GRID1: variants seen among roughly 807,000 people sequenced by gnomAD.
GRID1 encodes glutamate ionotropic receptor delta type subunit 1, also known as glutamate receptor ionotropic, delta-1.
GRID1 carries 28 observed loss-of-function variants against 98.0 expected under a neutral mutation model. That is an observed-to-expected ratio of 0.29 (90% CI 0.21 to 0.39). The LOEUF is 0.39. GRID1 is among the 10% of genes least tolerant of loss of function. The pLI, the probability that GRID1 is intolerant of heterozygous loss-of-function variation, is 1.00. For synonymous variants in GRID1, 553 were observed against 538.5 expected, an observed-to-expected ratio of 1.03 and a Z score of -0.37; for missense variants, 1,111 against 1,340.5, an observed-to-expected ratio of 0.83 and a Z score of 2.67.
chr10:86,361,526 C>T (rs72845191), intron 2 of GRID1, among the ~76,000 whole-genome samples: 3,116 of 152,268 alleles, frequency 0.02, 50 homozygotes, highest in Non-Finnish European at 0.028. Context: ...GTCTGCCATC[C>T]TTGGAGCCTG....
intron 15 of GRID1, chr10:85,605,607 CAATT>C (rs1842649661): frequency 6.6e-6 from 1 of 152,166 alleles, no homozygotes; most frequent in African/African-American, 2.4e-5. Flanking sequence ...TGAGTGGACT[CAATT>C]AAAGTGGGAA....
chr10:85,868,591 GATAGTCCC>G (rs1269923405), intron 6 of GRID1, among the ~76,000 whole-genome samples: 1 of 152,148 alleles, frequency 6.6e-6, no homozygotes, highest in East Asian at 1.9e-4. Flanking sequence ...AATGTGCTGG[GATAGTCCC>G]ATCTTGCTTT....
chr10:85,606,836 T>C (rs1219087344), intron 15 of GRID1: 4 of 152,256 alleles, frequency 2.6e-5, no homozygotes, highest in Non-Finnish European at 5.9e-5. Flanking sequence ...TATTATGTTA[T>C]GCAAATTCAA....
chr10:86,170,558 C>T (rs2131992811), intron 3 of GRID1, among the ~76,000 whole-genome samples: 2 of 152,362 alleles, frequency 1.3e-5, no homozygotes, highest in East Asian at 1.9e-4. Context: ...TAGGAGGGTC[C>T]CCACTTTGCT....
At chr10:86,055,813 T>TTCTCTCTCTCTCTCTCTCTC (rs141146400) in intron 4 of GRID1, among the ~76,000 whole-genome samples, 41 of 147,434 alleles carry the variant, frequency 2.8e-4, no homozygotes, top group East Asian at 2.4e-3. Flanking sequence ...TGTGCTCTCA[T>TTCTCTCTCTCTCTCTCTCTC]TCTCTCTCTC....
At chr10:85,833,528 A>C (rs913589892) in intron 8 of GRID1, among the ~76,000 whole-genome samples, 9 of 151,732 alleles carry the variant, frequency 5.9e-5, no homozygotes, top group Admixed American at 2.0e-4. Flanking sequence ...TCCCAACAAA[A>C]AAAAAAAAAA....
intron 8 of GRID1, among the ~76,000 whole-genome samples, chr10:85,765,963 C>A (rs889805419): frequency 6.6e-6 from 1 of 152,170 alleles, no homozygotes; most frequent in African/African-American, 2.4e-5. Flanking sequence ...TGCTGGCTGC[C>A]AGAGGGGGAC....
At chr10:85,638,980 A>G (rs1230352731) in intron 13 of GRID1, among the ~76,000 whole-genome samples, 1 of 152,254 alleles carries the variant, frequency 6.6e-6, no homozygotes, top group African/African-American at 2.4e-5. Flanking sequence ...GTATATAAGG[A>G]GTATATTACC....
At chr10:86,252,813 C>A (rs913932312) in intron 2 of GRID1, among the ~76,000 whole-genome samples, 5 of 152,206 alleles carry the variant, frequency 3.3e-5, no homozygotes, top group African/African-American at 1.2e-4. Flanking sequence ...TGAATTACCT[C>A]CACAGTGATT....
At chr10:85,613,720 C>T in intron 14 of GRID1, 73 bp from the exon 15 acceptor site, 2 of 1,538,588 alleles carry the variant, frequency 1.3e-6, no homozygotes, top group Non-Finnish European at 1.8e-6. Flanking sequence ...TGGCCCCTGC[C>T]CCACCATGCT....
chr10:85,937,681 T>C (rs1391576460), intron 4 of GRID1, among the ~76,000 whole-genome samples: 2 of 152,198 alleles, frequency 1.3e-5, no homozygotes, highest in Non-Finnish European at 2.9e-5. Flanking sequence ...GGGGCAATTT[T>C]ACCTCCACTG....
Position 86,195,159 on chromosome 10 carries a change from G to A in GRID1, c.520+11205C>T, listed in dbSNP as rs1845854837. Among the ~76,000 whole-genome samples the A allele has an allele frequency of 6.6e-6, 1 of 152,044 alleles. No homozygotes were observed. The highest frequency in any genetic ancestry group is 2.4e-5 in the African/African-American group (1 of 41,422). On this transcript the variant is annotated intron_variant, in intron 3 of 15. Transcript: ENST00000327946. This position sits in a 1 kb window ranked among gnomAD's most constrained non-coding sequence, Gnocchi z 4.4. ...TCCAGGAATGGTAAGTTCCAGCTTG[G>A]GATCAGCTGAGCCATGAGAGGGCCA...
chr10:86,030,172 A>G (rs977647735), intron 4 of GRID1, among the ~76,000 whole-genome samples: 1 of 152,216 alleles, frequency 6.6e-6, no homozygotes, highest in African/African-American at 2.4e-5. Context: ...CACCCTGGCT[A>G]TGTAAAGAAG....
intron 13 of GRID1, among the ~76,000 whole-genome samples, chr10:85,640,235 C>T (rs1257555485): frequency 6.6e-6 from 1 of 152,120 alleles, no homozygotes; most frequent in African/African-American, 2.4e-5. Flanking sequence ...GTCTTTTGAG[C>T]AGGTACAAAA....
At chr10:85,886,275 C>CA (rs1371688431) in intron 5 of GRID1, among the ~76,000 whole-genome samples, 1 of 152,200 alleles carries the variant, frequency 6.6e-6, no homozygotes, top group Non-Finnish European at 1.5e-5. Context: ...AGGGCCAGTC[C>CA]ATCACACTGC....
chr10:85,837,850 A>T (rs1404650943), intron 8 of GRID1, among the ~76,000 whole-genome samples: 3 of 152,232 alleles, frequency 2.0e-5, no homozygotes, highest in African/African-American at 7.2e-5. Flanking sequence ...CAGAATATGG[A>T]TAAGAACAAA....
intron 3 of GRID1, among the ~76,000 whole-genome samples, chr10:86,182,146 A>G (rs1482013223): frequency 6.6e-6 from 1 of 152,152 alleles, no homozygotes; most frequent in Non-Finnish European, 1.5e-5. Flanking sequence ...TTCCATTGAG[A>G]CTATGGGGTG....
At position 85,835,753 on chromosome 10, in the gene GRID1, A is replaced by G. The variant is rs112377576; in HGVS notation, c.1233+18743T>C. On this transcript the variant is annotated intron_variant, in intron 8 of 15. Coordinates refer to ENST00000327946, the MANE Select transcript of GRID1 (RefSeq NM_017551.3). The stretch of plus-strand genomic sequence containing the variant: ...ATATACATCTTTTCAAGTTCCACTG[A>G]TTATTCACAAAGATAGATCATATCC... Among the ~76,000 whole-genome samples, 682 of 152,336 alleles carry G rather than the reference A, an allele frequency of 4.5e-3. 2 individuals are homozygous for G. Among genetic ancestry groups the G allele is most frequent in the African/African-American group, 0.015 (635 of 41,580 alleles).
chr10:85,603,653 G>A (rs1842614815), intron 15 of GRID1, among the ~76,000 whole-genome samples: 1 of 152,228 alleles, frequency 6.6e-6, no homozygotes, highest in Non-Finnish European at 1.5e-5. Flanking sequence ...TCCCCGCTGT[G>A]AGGTGGGCAC....
Sources: gnomAD v4.1 joint callset for allele counts (sites outside exome capture counted in the v4.1 genomes callset) on GRCh38, gnomAD v4.1.1 for gene constraint, Gnocchi (gnomAD v3.1) non-coding constraint, MANE v1.5 for transcripts, NCBI Gene and HGNC (gene_info 2026-07-23, HGNC 2026-07-21) for gene names.